KCNK2: variants seen among roughly 807,000 people sequenced by gnomAD.
KCNK2 encodes potassium two pore domain channel subfamily K member 2, also known as potassium channel subfamily K member 2.
A neutral mutation model predicts 40.5 loss-of-function variants in KCNK2; 21 were observed. The observed-to-expected ratio is 0.52, with a 90% CI of 0.37 to 0.75. KCNK2 has a LOEUF of 0.75. KCNK2 is among the 30% of genes least tolerant of loss of function. The pLI, the probability that KCNK2 is intolerant of heterozygous loss-of-function variation, is 0.00. For missense variants in KCNK2, 399 were observed against 531.6 expected (o/e 0.75, Z 2.45); for synonymous variants, 191 against 202.2 (o/e 0.94, Z 0.47).
At chr1:215,192,495 C>G (rs1210734728) in intron 5 of KCNK2, among the ~76,000 whole-genome samples, 1 of 152,166 alleles carries the variant, frequency 6.6e-6, no homozygotes, top group African/African-American at 2.4e-5. Context: ...TGAACTAACT[C>G]TTCTAAAGTC....
At chr1:215,032,924 CATT>C (rs1347086012) in intron 1 of KCNK2, among the ~76,000 whole-genome samples, 1 of 151,956 alleles carries the variant, frequency 6.6e-6, no homozygotes. Context: ...AATTCTCTGT[CATT>C]ATTGTTTCAT....
Position 215,083,271 on chromosome 1 carries a change from T to C in KCNK2, c.-115T>C, listed in dbSNP as rs1200231963. The C allele has an allele frequency of 2.1e-6, 3 of 1,415,934 alleles. No homozygotes were observed. Among genetic ancestry groups the C allele is most frequent in the Non-Finnish European group, 2.8e-6 (3 of 1,057,698 alleles). The allele number at this position is 1,415,934 out of a possible 1,614,324, so 87.7% of individuals were successfully genotyped here. A position where few individuals can be genotyped will look rare whatever the true frequency, so the allele number is the denominator to read the frequency against. ...CAAAGCCGGGGAAAATGCCTGCCCG[T>C]GCAGCTCGGAGCGCGCAGCCCGTCT... On this transcript the variant is annotated 5_prime_UTR_variant, in exon 1 of 7. Transcript: ENST00000444842.
chr1:215,209,461 T>TATTTATAATATATATA (rs1665508929), intron 6 of KCNK2, among the ~76,000 whole-genome samples: 1 of 2,234 alleles, frequency 4.5e-4, no homozygotes, highest in Non-Finnish European at 1.5e-3. Flanking sequence ...TATTATATAT[T>TATTTATAATATATATA]ATATATAATA....
At chr1:215,087,889 A>G (rs371432101) in intron 2 of KCNK2, among the ~76,000 whole-genome samples, 111 of 152,300 alleles carry the variant, frequency 7.3e-4, no homozygotes, top group Non-Finnish European at 1.2e-3. Context: ...ACACGTTCTT[A>G]TTCAAGTTTT....
At chr1:215,027,557 C>T (rs973582114) in intron 1 of KCNK2, among the ~76,000 whole-genome samples, 2 of 152,172 alleles carry the variant, frequency 1.3e-5, no homozygotes, top group Non-Finnish European at 2.9e-5. Flanking sequence ...CCTCTTCTTG[C>T]ACACCCAGAG....
At chr1:215,120,915 TTTTG>T in intron 2 of KCNK2, among the ~76,000 whole-genome samples, 1 of 152,246 alleles carries the variant, frequency 6.6e-6, no homozygotes, top group Non-Finnish European at 1.5e-5. Flanking sequence ...TTATGTCTTT[TTTTG>T]TTTGCTTGTT....
chr1:215,120,342 TAC>T (rs1168926736), intron 2 of KCNK2, among the ~76,000 whole-genome samples: 2 of 152,208 alleles, frequency 1.3e-5, no homozygotes, highest in Non-Finnish European at 2.9e-5. Context: ...TCTGAAGACT[TAC>T]CTTATCTTTT....
chr1:215,234,835 AGTT>A lies in KCNK2; in HGVS notation c.972_974del (p.Glu324_Phe325delinsAsp). On this transcript the variant is annotated inframe_deletion, in exon 7 of 7. Coordinates refer to ENST00000444842, the MANE Select transcript of KCNK2 (RefSeq NM_001017425.3). The stretch of plus-strand genomic sequence containing the variant: ...TCTGCTTGTATGTTCCAGGTGGGAG[AGTT>A]CAGAGCACACGCTGCTGAGTGGACA... The A allele has an allele frequency of 6.2e-7, 1 of 1,607,102 alleles. No individual in the cohort carries two copies. Among genetic ancestry groups the A allele is most frequent in the Non-Finnish European group, 8.5e-7 (1 of 1,174,452 alleles).
intron 1 of KCNK2, among the ~76,000 whole-genome samples, chr1:215,052,888 T>A (rs1473608357): frequency 6.6e-6 from 1 of 152,156 alleles, no homozygotes; most frequent in East Asian, 1.9e-4. Flanking sequence ...TAATTGTGGA[T>A]ATTTCTCTTG....
chr1:215,069,663 G>A (rs571224554), intron 1 of KCNK2, among the ~76,000 whole-genome samples: 1 of 152,200 alleles, frequency 6.6e-6, no homozygotes, highest in Admixed American at 6.5e-5. Context: ...AACAAGTTGG[G>A]GTTTATATAA....
intron 2 of KCNK2, among the ~76,000 whole-genome samples, chr1:215,098,062 A>G (rs1660056435): frequency 6.6e-6 from 1 of 151,966 alleles, no homozygotes; most frequent in African/African-American, 2.4e-5. Context: ...GATCATGTCT[A>G]TCTTGGGTCT....
At chr1:215,129,190 C>T (rs548126941) in intron 3 of KCNK2, among the ~76,000 whole-genome samples, 2 of 152,260 alleles carry the variant, frequency 1.3e-5, no homozygotes, top group African/African-American at 4.8e-5. Flanking sequence ...ATTTAGGCAG[C>T]AGTCTTGTAA....
At chr1:215,220,954 T>A (rs1201147503) in intron 6 of KCNK2, among the ~76,000 whole-genome samples, 1 of 152,218 alleles carries the variant, frequency 6.6e-6, no homozygotes, top group Non-Finnish European at 1.5e-5. Context: ...CAGACAGTGG[T>A]ACTTGTAGAG....
At chr1:215,133,773 G>A (rs12126969) in intron 3 of KCNK2, among the ~76,000 whole-genome samples, 12,502 of 152,054 alleles carry the variant, frequency 0.082, 569 homozygotes, top group Middle Eastern at 0.15. Flanking sequence ...TGGTTTATGT[G>A]CACCTAAAGT....
intron 3 of KCNK2, among the ~76,000 whole-genome samples, chr1:215,125,465 T>G (rs11120499): frequency 0.57 from 86,289 of 151,792 alleles, 26,460 homozygotes; most frequent in Non-Finnish European, 0.68. Flanking sequence ...TCTCTGCTAG[T>G]TTGTCATTCA....
At chr1:215,075,321 G>C (rs1658889372) in intron 1 of KCNK2, among the ~76,000 whole-genome samples, 1 of 152,130 alleles carries the variant, frequency 6.6e-6, no homozygotes, top group Non-Finnish European at 1.5e-5. Context: ...AAATGAACCA[G>C]CCAATTTTAA....
intron 1 of KCNK2, among the ~76,000 whole-genome samples, chr1:215,038,782 GA>G (rs1657468006): frequency 6.6e-6 from 1 of 151,968 alleles, no homozygotes; most frequent in Non-Finnish European, 1.5e-5. Context: ...AAACATCACT[GA>G]AACCACTGAA....
intron 6 of KCNK2, among the ~76,000 whole-genome samples, chr1:215,206,821 A>G (rs1665331520): frequency 6.6e-6 from 1 of 152,210 alleles, no homozygotes; most frequent in Admixed American, 6.5e-5. Flanking sequence ...AACACAGTTA[A>G]TATAAGGCTG....
chr1:215,126,824 C>A (rs1661456924), intron 3 of KCNK2, among the ~76,000 whole-genome samples: 1 of 152,114 alleles, frequency 6.6e-6, no homozygotes, highest in African/African-American at 2.4e-5. Context: ...CTATCTCAGG[C>A]TTTAGTCTTC....
Sources: allele counts gnomAD v4.1 joint callset (sites outside exome capture counted in the v4.1 genomes callset), GRCh38; gene constraint gnomAD v4.1.1; transcripts MANE v1.5; gene names NCBI Gene and HGNC (gene_info 2026-07-23, HGNC 2026-07-21).